Variants in LRRIQ4 observed in about 807,000 individuals in gnomAD.
The protein encoded by LRRIQ4 is leucine-rich repeat and IQ domain-containing protein 4.
LRRIQ4 carries 21 observed loss-of-function variants against 40.1 expected under a neutral mutation model. The ratio of observed to expected loss-of-function variants is 0.52; its 90% CI spans 0.37 to 0.75. LRRIQ4 has a LOEUF of 0.75. LRRIQ4 is among the 30% of genes least tolerant of loss of function. LRRIQ4 has a pLI of 0.00. For synonymous variants in LRRIQ4, 277 were observed against 277.1 expected (o/e 1.00, Z 0.00); for missense variants, 655 against 660.0 (o/e 0.99, Z 0.08).
chr3:169,816,683 T>C (rs1238159888), intron 1 of LRRIQ4, among the ~76,000 whole-genome samples: 1 of 151,434 alleles, frequency 6.6e-6, no homozygotes, highest in Non-Finnish European at 1.5e-5. Context: ...ACTTTTTTTT[T>C]TTTTTTTGAC....
intron 1 of LRRIQ4, among the ~76,000 whole-genome samples, chr3:169,816,239 A>C (rs1257720748): frequency 6.6e-6 from 1 of 152,148 alleles, no homozygotes; most frequent in Admixed American, 6.5e-5. Flanking sequence ...GATTGGTATT[A>C]GTTCTTCTTT....
intron 1 of LRRIQ4, among the ~76,000 whole-genome samples, chr3:169,815,322 A>G (rs1779742208): frequency 1.3e-5 from 2 of 151,808 alleles, no homozygotes; most frequent in Admixed American, 6.6e-5. Flanking sequence ...TCTTACTTCA[A>G]TGTTTTATAG....
At chr3:169,834,228 G>A (rs566787076) in intron 5 of LRRIQ4, among the ~76,000 whole-genome samples, 96 of 152,274 alleles carry the variant, frequency 6.3e-4, no homozygotes, top group African/African-American at 2.3e-3. Context: ...TGGGCATGGT[G>A]GTGCGTGCCT....
intron 3 of LRRIQ4, among the ~76,000 whole-genome samples, chr3:169,829,532 G>GAA (rs1780116578): frequency 1.8e-5 from 2 of 110,078 alleles, no homozygotes; most frequent in African/African-American, 7.1e-5. Context: ...TTTTTTTTTT[G>GAA]ACAGAGTTTC....
Position 169,822,277 on chromosome 3 carries a change from C to T in LRRIQ4, c.356C>T (p.Ala119Val), listed in dbSNP as rs769525072. 6 of 1,612,982 alleles carry T rather than the reference C, an allele frequency of 3.7e-6. No individual in the cohort carries two copies. The highest frequency in any genetic ancestry group is 5.1e-6 in the Non-Finnish European group (6 of 1,179,480). Residue 119 changes from alanine to valine, a missense_variant, in exon 2 of 6, where the codon GCC (alanine) becomes GTC (valine). Coordinates refer to ENST00000340806, the MANE Select transcript of LRRIQ4 (RefSeq NM_001080460.3). ...CTTGTCGTTGTCAGCTTCCTCCACGCCCTGCGCGAGCTCCGGCTCTACCAG... is the reference window on the plus strand; with the variant it reads ...CTTGTCGTTGTCAGCTTCCTCCACGTCCTGCGCGAGCTCCGGCTCTACCAG... ...SSLVVVSFLH[A>V]LRELRLYQTD...
chr3:169,828,991 G>A, intron 3 of LRRIQ4, 59 bp downstream of exon 3: 1 of 1,469,800 alleles, frequency 6.8e-7, no homozygotes, highest in South Asian at 1.3e-5. Flanking sequence ...TAAATTGGCT[G>A]AAACTGAGAA....
At chr3:169,814,935 G>A (rs1197981846) in intron 1 of LRRIQ4, among the ~76,000 whole-genome samples, 1 of 152,150 alleles carries the variant, frequency 6.6e-6, no homozygotes, top group African/African-American at 2.4e-5. Flanking sequence ...TGTCAAAAAC[G>A]AGTTCACTGT....
Position 169,828,900 on chromosome 3 carries a change from A to T in LRRIQ4, c.1162A>T (p.Thr388Ser), listed in dbSNP as rs1317060611. 6.2e-7 allele frequency: 1 copy of T among 1,613,408 alleles called. No homozygotes were observed. The highest frequency in any genetic ancestry group is 1.6e-4 in the Middle Eastern group (1 of 6,062). The change falls in exon 3 of 6, where the codon ACC becomes TCC. Residue 388 changes from threonine to serine, a missense_variant. Thr to Ser is a moderately conservative substitution (Grantham distance 58). Transcript: ENST00000340806. ...YIGQDQGFKLTYVPEHIRKLQ... is the reference protein window; with the variant it reads ...YIGQDQGFKLSYVPEHIRKLQ... ...TGGGCAAGACCAGGGATTCAAACTT[A>T]CCTATGTGCCAGAACACATTAGGAA...
chr3:169,824,073 T>TAC (rs1779982069), intron 2 of LRRIQ4, among the ~76,000 whole-genome samples: 1 of 152,182 alleles, frequency 6.6e-6, no homozygotes, highest in Admixed American at 6.5e-5. Flanking sequence ...ACTATATATA[T>TAC]ACACACATAT....
intron 1 of LRRIQ4, among the ~76,000 whole-genome samples, chr3:169,818,638 T>A (rs1779812648): frequency 6.6e-6 from 1 of 152,220 alleles, no homozygotes; most frequent in South Asian, 2.1e-4. Flanking sequence ...TTTTCAAGTG[T>A]CTTTAGCTTA....
chr3:169,821,416 G>A (rs867094087), intron 1 of LRRIQ4, among the ~76,000 whole-genome samples: 1 of 152,094 alleles, frequency 6.6e-6, no homozygotes, highest in Non-Finnish European at 1.5e-5. Context: ...GGGTGGACCT[G>A]AGGTCGGGAG....
chr3:169,836,249 TG>T (rs1320849810), intron 5 of LRRIQ4, among the ~76,000 whole-genome samples: 1 of 150,154 alleles, frequency 6.7e-6, no homozygotes, highest in Non-Finnish European at 1.5e-5. Context: ...GGTGGAGAAG[TG>T]GTTGATTTAA....
Position 169,837,723 on chromosome 3 carries a change from C to G in LRRIQ4, c.*92C>G, listed in dbSNP as rs1780342509. On this transcript the variant is annotated 3_prime_UTR_variant, in exon 6 of 6. Coordinates refer to ENST00000340806, the MANE Select transcript of LRRIQ4 (RefSeq NM_001080460.3). ...AGATGCCTACTACATTAAAATTATT[C>G]ATAAAATTACACTTATGTGTAAAAA... The G allele has an allele frequency of 4.2e-6, 4 of 944,716 alleles. No individual in the cohort carries two copies. In the South Asian group the frequency reaches 6.2e-5, roughly 15 times the overall value. The allele number at this position is 944,716 out of a possible 1,614,324, so 58.5% of individuals were successfully genotyped here.
chr3:169,826,258 A>G (rs9850005), intron 2 of LRRIQ4, among the ~76,000 whole-genome samples: 2,382 of 151,920 alleles, frequency 0.016, 65 homozygotes, highest in African/African-American at 0.055. Flanking sequence ...CGGGCATGGT[A>G]GTGGGCACCT....
intron 1 of LRRIQ4, among the ~76,000 whole-genome samples, chr3:169,821,599 C>T (rs930942423): frequency 6.6e-6 from 1 of 152,058 alleles, no homozygotes; most frequent in African/African-American, 2.4e-5. Context: ...GAGATCACAC[C>T]ATTGCACTCC....
chr3:169,816,167 G>T (rs1444196846), intron 1 of LRRIQ4, among the ~76,000 whole-genome samples: 1 of 152,098 alleles, frequency 6.6e-6, no homozygotes, highest in Non-Finnish European at 1.5e-5. Context: ...GGTAATACTG[G>T]CCTCATAGAA....
chr3:169,815,064 A>G (rs1156973353), intron 1 of LRRIQ4, among the ~76,000 whole-genome samples: 1 of 152,178 alleles, frequency 6.6e-6, no homozygotes, highest in Non-Finnish European at 1.5e-5. Context: ...TAATTTAGGT[A>G]ATGTGATTCC....
At position 169,822,653 on chromosome 3, in the gene LRRIQ4, C is replaced by T; in HGVS notation, c.732C>T (p.Asn244=). ...TGTCGGTGCTCGATTTATCCCACAA[C>T]CTCCTCCACTCCATCCCGAAGAGCT... The part of the protein sequence containing the change: ...SQLSVLDLSH[N]LLHSIPKSFA... The change falls in exon 2 of 6, where the codon AAC becomes AAT. Residue 244 remains asparagine (N), a synonymous_variant. Coordinates refer to ENST00000340806, the MANE Select transcript of LRRIQ4 (RefSeq NM_001080460.3). The T allele has an allele frequency of 6.2e-7, 1 of 1,613,974 alleles. No homozygotes were observed. The highest frequency in any genetic ancestry group is 8.5e-7 in the Non-Finnish European group (1 of 1,179,906).
chr3:169,824,639 A>G (rs1364781698), intron 2 of LRRIQ4, among the ~76,000 whole-genome samples: 3 of 151,940 alleles, frequency 2.0e-5, no homozygotes, highest in Admixed American at 1.3e-4. Flanking sequence ...CAGCCTCCCA[A>G]GTAGTTGGGA....
Sources: gnomAD v4.1 joint callset for allele counts (sites outside exome capture counted in the v4.1 genomes callset) on GRCh38, gnomAD v4.1.1 for gene constraint, MANE v1.5 for transcripts, NCBI Gene and HGNC (gene_info 2026-07-23, HGNC 2026-07-21) for gene names.